The following NGEF variants were observed in gnomAD, a reference collection of about 807,000 sequenced individuals.
NGEF encodes the protein neuronal guanine nucleotide exchange factor.
Under a neutral mutation model 80.9 loss-of-function variants are expected in NGEF, and 31 were observed. The ratio of observed to expected loss-of-function variants is 0.38; its 90% confidence interval spans 0.29 to 0.52. The LOEUF is 0.52. NGEF is among the 20% of genes least tolerant of loss of function. The pLI is 0.84. For missense variants in NGEF, 709 were observed against 926.2 expected (o/e 0.77, Z 3.04); for synonymous variants, 371 against 370.2 (o/e 1.00, Z -0.03).
At chr2:232,925,811 A>G (rs879064705) in intron 4 of NGEF, among the ~76,000 whole-genome samples, 1 of 152,134 alleles carries the variant, frequency 6.6e-6, no homozygotes, top group South Asian at 2.1e-4. Flanking sequence ...AGGATTTTCT[A>G]TGTGGCATCA....
rs569740683 is a variant in NGEF, at chr2:232,905,238, A to T, written c.829-10322T>A. On this transcript the variant is annotated intron_variant, in intron 5 of 14. Coordinates refer to ENST00000264051, the MANE Select transcript of NGEF (RefSeq NM_019850.3). ...TGCCTCAGCCTGCCGAGTGCCTGCG[A>T]TTGCAGGCGCGCGCCGCCACGCCTG... Among the ~76,000 whole-genome samples, 468 of 152,192 alleles carry T rather than the reference A, an allele frequency of 3.1e-3. 3 individuals are homozygous for T. The highest frequency in any genetic ancestry group is 0.014 in the South Asian group (69 of 4,812).
At chr2:232,899,091 ATGAG>A (rs1692188621) in intron 5 of NGEF, among the ~76,000 whole-genome samples, 1 of 151,592 alleles carries the variant, frequency 6.6e-6, no homozygotes, top group African/African-American at 2.4e-5. Flanking sequence ...GAATGTGTAA[ATGAG>A]TATGTATGAA....
Position 232,879,680 on chromosome 2 carries a change from C to G in NGEF, c.1943-1G>C, listed in dbSNP as rs1691425345. 6.2e-7 allele frequency: 1 copy of G among 1,609,536 alleles called. No individual in the cohort carries two copies. Among genetic ancestry groups the G allele is most frequent in the South Asian group, 1.1e-5 (1 of 91,020 alleles). On this transcript the variant is annotated splice_acceptor_variant, in intron 14 of 14. Coordinates refer to ENST00000264051, the MANE Select transcript of NGEF (RefSeq NM_019850.3). LOFTEE classifies it high-confidence loss of function. ...TGCAGACGCTCGCCAAAGATCCACC[C>G]TGTGCAGGGAGGGGAGGGAGAGAAG...
chr2:232,910,583 G>A (rs988334159), intron 5 of NGEF, among the ~76,000 whole-genome samples: 8 of 151,832 alleles, frequency 5.3e-5, no homozygotes, highest in African/African-American at 7.3e-5. Flanking sequence ...ACACTGCTAC[G>A]GGGCGGGGCT....
chr2:232,879,608 A>G lies in NGEF; in HGVS notation c.2014T>C (p.Leu672=), dbSNP rs377471783. The G allele has an allele frequency of 4.6e-5, 74 of 1,613,600 alleles. No homozygotes were observed. Among genetic ancestry groups the G allele is most frequent in the African/African-American group, 1.9e-4 (14 of 74,934 alleles). The part of the protein sequence containing the change: ...WFPSSMTEEI[L]NPKIRSQNLK... ...TTCTGGGACCGGATCTTGGGATTCA[A>G]GATCTCCTCAGTCATGGAGCTGGGG... The change falls in exon 15 of 15, where the codon TTG becomes CTG. Residue 672 remains leucine, a synonymous_variant. Coordinates refer to ENST00000264051, the MANE Select transcript of NGEF (RefSeq NM_019850.3).
intron 9 of NGEF, among the ~76,000 whole-genome samples, chr2:232,887,473 A>T (rs1248453725): frequency 6.7e-6 from 1 of 149,478 alleles, no homozygotes; most frequent in Non-Finnish European, 1.5e-5. Context: ...ACAGAGATGC[A>T]CAGGGGTGAC....
At chr2:233,007,395 G>T (rs1559246377) in intron 1 of NGEF, among the ~76,000 whole-genome samples, 1 of 152,216 alleles carries the variant, frequency 6.6e-6, no homozygotes, top group Non-Finnish European at 1.5e-5. Context: ...TGGCCCGCCA[G>T]GTAGCCGCCA....
intron 5 of NGEF, among the ~76,000 whole-genome samples, chr2:232,906,167 TG>T (rs1438842018): frequency 5.4e-5 from 3 of 55,134 alleles, no homozygotes; most frequent in Non-Finnish European, 1.0e-4. Context: ...GGGAGGGAGG[TG>T]GGGGGGTCAG....
intron 2 of NGEF, among the ~76,000 whole-genome samples, chr2:232,974,182 C>T (rs1694245983): frequency 6.6e-6 from 1 of 152,008 alleles, no homozygotes; most frequent in Non-Finnish European, 1.5e-5. Context: ...AAATCTATTC[C>T]CAAGGTTTTA....
chr2:232,989,919 T>C (rs559927422), intron 1 of NGEF, among the ~76,000 whole-genome samples: 3 of 152,216 alleles, frequency 2.0e-5, no homozygotes, highest in Admixed American at 6.5e-5. Context: ...GCAAAAAGCT[T>C]TAAAGATGAG....
intron 1 of NGEF, among the ~76,000 whole-genome samples, chr2:233,008,871 G>A (rs1695144454): frequency 6.6e-6 from 1 of 151,064 alleles, no homozygotes; most frequent in African/African-American, 2.4e-5. Flanking sequence ...TTTGATCTTG[G>A]CTCACTGCAA....
chr2:233,006,059 C>A (rs574567120), intron 1 of NGEF, among the ~76,000 whole-genome samples: 2 of 152,170 alleles, frequency 1.3e-5, no homozygotes, highest in Admixed American at 6.5e-5. Context: ...TCAAGTGATC[C>A]GCCCACCTTG....
intron 3 of NGEF, among the ~76,000 whole-genome samples, chr2:232,963,587 G>C (rs1693996022): frequency 1.3e-5 from 2 of 152,226 alleles, no homozygotes; most frequent in Admixed American, 1.3e-4. Flanking sequence ...GCCGAGGCAG[G>C]CAGATCACCT....
At chr2:232,924,522 T>C (rs1339825961) in intron 4 of NGEF, among the ~76,000 whole-genome samples, 1 of 152,118 alleles carries the variant, frequency 6.6e-6, no homozygotes, top group Non-Finnish European at 1.5e-5. Flanking sequence ...GCACATCTTC[T>C]AAAGGCTTGT....
At chr2:232,881,642 G>C (rs1216802418) in intron 13 of NGEF, among the ~76,000 whole-genome samples, 1 of 152,146 alleles carries the variant, frequency 6.6e-6, no homozygotes, top group Non-Finnish European at 1.5e-5. Context: ...CTGGAGTGCA[G>C]TGCAATCTCA....
intron 3 of NGEF, among the ~76,000 whole-genome samples, chr2:232,965,954 C>T (rs1694050951): frequency 6.6e-6 from 1 of 152,186 alleles, no homozygotes; most frequent in Non-Finnish European, 1.5e-5. Flanking sequence ...CTTCACCCTG[C>T]TCTGTAGGTT....
At chr2:232,929,503 AACGGGCAGGTCTGATCTCTTCAT>A (rs1386619492) in intron 3 of NGEF, among the ~76,000 whole-genome samples, 1 of 152,182 alleles carries the variant, frequency 6.6e-6, no homozygotes, top group Non-Finnish European at 1.5e-5. Context: ...CTGGTGCCAG[AACGGGCAGGTCTGATCTCTTCAT>A]GCCCTTTGGG....
chr2:232,915,691 A>G (rs1388670233), intron 5 of NGEF, among the ~76,000 whole-genome samples: 1 of 151,666 alleles, frequency 6.6e-6, no homozygotes, highest in Admixed American at 6.6e-5. Context: ...ATTCTGCTCT[A>G]TTTATTTATT....
intron 5 of NGEF, among the ~76,000 whole-genome samples, chr2:232,901,121 A>G (rs1692341936): frequency 6.6e-6 from 1 of 152,190 alleles, no homozygotes; most frequent in Admixed American, 6.5e-5. Context: ...AAGCTTTACC[A>G]GCTCTAACAC....
Sources: gnomAD v4.1 joint callset for allele counts (sites outside exome capture counted in the v4.1 genomes callset) on GRCh38, gnomAD v4.1.1 for gene constraint, MANE v1.5 for transcripts, NCBI Gene and HGNC (gene_info 2026-07-23, HGNC 2026-07-21) for gene names.